The following RBFOX1 variants were observed in gnomAD, a reference collection of about 807,000 sequenced individuals.
RBFOX1 encodes the protein RNA binding fox-1 homolog 1.
RBFOX1 carries 8 observed loss-of-function variants against 57.7 expected under a neutral mutation model. The observed-to-expected ratio is 0.14, with a 90% CI of 0.08 to 0.25. RBFOX1 has a LOEUF of 0.25. Ranked by LOEUF, RBFOX1 falls within the 10% of genes least tolerant of loss-of-function variation. RBFOX1 has a pLI of 1.00. For missense variants in RBFOX1, 611 were observed against 548.5 expected, an observed-to-expected ratio of 1.11 and a Z score of -1.14; for synonymous variants, 326 against 222.4, an observed-to-expected ratio of 1.47 and a Z score of -4.15.
At chr16:5,858,026 C>G (rs559513584) in intron 3 of RBFOX1, among the ~76,000 whole-genome samples, 6 of 152,058 alleles carry the variant, frequency 3.9e-5, no homozygotes, top group Non-Finnish European at 7.4e-5. Flanking sequence ...GTAGAAGAGA[C>G]TTCCACAAGC....
chr16:6,379,374 A>G (rs1449139476), intron 2 of RBFOX1, among the ~76,000 whole-genome samples: 3 of 152,146 alleles, frequency 2.0e-5, no homozygotes, highest in African/African-American at 7.2e-5. Flanking sequence ...TTCCTGCCTT[A>G]TACCTGTTGT....
chr16:6,478,416 TATA>T (rs2095312766), intron 2 of RBFOX1, among the ~76,000 whole-genome samples: 6 of 24,822 alleles, frequency 2.4e-4, no homozygotes, highest in Non-Finnish European at 4.1e-4. Context: ...TATATATATA[TATA>T]TATATATATA....
chr16:7,058,511 C>G (rs1047118765), intron 4 of RBFOX1, among the ~76,000 whole-genome samples: 6 of 152,148 alleles, frequency 3.9e-5, no homozygotes, highest in Non-Finnish European at 8.8e-5. Flanking sequence ...TACTTCAATC[C>G]TCTCTATGTC....
intron 4 of RBFOX1, among the ~76,000 whole-genome samples, chr16:7,204,680 T>G (rs1189258736): frequency 6.6e-6 from 1 of 152,198 alleles, no homozygotes; most frequent in African/African-American, 2.4e-5. Context: ...CTCACTGTTC[T>G]AAGACATCAG....
At chr16:5,793,286 G>C (rs939001288) in intron 3 of RBFOX1, among the ~76,000 whole-genome samples, 1 of 152,198 alleles carries the variant, frequency 6.6e-6, no homozygotes, top group African/African-American at 2.4e-5. Flanking sequence ...CTTCTCCCCT[G>C]GCCCGCCTCC....
At chr16:6,619,793 G>C (rs1361560728) in intron 2 of RBFOX1, among the ~76,000 whole-genome samples, 2 of 146,630 alleles carry the variant, frequency 1.4e-5, no homozygotes, top group Non-Finnish European at 3.0e-5. Context: ...TTGTACAGAT[G>C]ATTTCATCAT....
At chr16:7,409,485 T>A in intron 4 of RBFOX1, among the ~76,000 whole-genome samples, 1 of 152,234 alleles carries the variant, frequency 6.6e-6, no homozygotes, top group Non-Finnish European at 1.5e-5. Flanking sequence ...ACAGGGCTCC[T>A]GAACACAATT....
chr16:6,738,433 T>C (rs1360272609), intron 3 of RBFOX1, among the ~76,000 whole-genome samples: 1 of 152,044 alleles, frequency 6.6e-6, no homozygotes, highest in Non-Finnish European at 1.5e-5. Flanking sequence ...CAGGAGAGTA[T>C]TTATAGGAAT....
chr16:6,248,468 C>G (rs1186153972), intron 1 of RBFOX1, among the ~76,000 whole-genome samples: 1 of 152,056 alleles, frequency 6.6e-6, no homozygotes, highest in Non-Finnish European at 1.5e-5. Context: ...GTAGTCACAG[C>G]TACTAAGAGC....
chr16:5,895,527 A>G (rs1302819211), intron 4 of RBFOX1, among the ~76,000 whole-genome samples: 1 of 152,202 alleles, frequency 6.6e-6, no homozygotes, highest in South Asian at 2.1e-4. Context: ...GGAAATGATA[A>G]CTTGGCAGCC....
rs139325423 is a variant in RBFOX1 at position 6,149,544 on chromosome 16, A to G, written c.-127+129552A>G. 2.6e-5 allele frequency among the ~76,000 whole-genome samples: 4 copies of G among 152,306 alleles called. No individual in the cohort carries two copies. In the East Asian group the frequency reaches 7.7e-4, roughly 29 times the overall value. On this transcript the variant is annotated intron_variant, in intron 1 of 15. Transcript: ENST00000550418. ...CCCAGAAATTCTGCAGCTGGTGCTG[A>G]CTGGGTGAAATAATGTGAGTAAGGT...
chr16:7,219,879 CT>C (rs2092589969), intron 4 of RBFOX1, among the ~76,000 whole-genome samples: 1 of 152,276 alleles, frequency 6.6e-6, no homozygotes, highest in Admixed American at 6.5e-5. Flanking sequence ...AAGAAGTTTT[CT>C]AACCAAAGAG....
chr16:6,281,931 G>A (rs776008976), intron 1 of RBFOX1, among the ~76,000 whole-genome samples: 26 of 152,112 alleles, frequency 1.7e-4, no homozygotes, highest in Non-Finnish European at 2.4e-4. Flanking sequence ...AGAGAGAAAA[G>A]TGGAAGAAAA....
intron 2 of RBFOX1, among the ~76,000 whole-genome samples, chr16:6,476,462 G>C (rs992252780): frequency 4.6e-5 from 7 of 152,164 alleles, no homozygotes; most frequent in Non-Finnish European, 1.0e-4. Flanking sequence ...GCATATAAAA[G>C]CTGTGCTTTT....
chr16:5,906,079 T>C (rs938310400), intron 4 of RBFOX1, among the ~76,000 whole-genome samples: 19 of 152,080 alleles, frequency 1.2e-4, no homozygotes, highest in Non-Finnish European at 2.2e-4. Flanking sequence ...GCCCTGCTTG[T>C]TATGTTCTTA....
At chr16:6,741,822 C>G (rs2072244661) in intron 3 of RBFOX1, among the ~76,000 whole-genome samples, 1 of 151,976 alleles carries the variant, frequency 6.6e-6, no homozygotes, top group Non-Finnish European at 1.5e-5. Flanking sequence ...TGGTGGTTAC[C>G]AGAAACTGGA....
chr16:5,665,969 G>C (rs2049831584), intron 3 of RBFOX1, among the ~76,000 whole-genome samples: 1 of 152,234 alleles, frequency 6.6e-6, no homozygotes, highest in African/African-American at 2.4e-5. Flanking sequence ...AATGTCAAAG[G>C]GTGAATGGGA....
chr16:6,720,211 C>T lies in RBFOX1; in HGVS notation c.-16+65561C>T, dbSNP rs141143876. 5.5e-3 allele frequency among the ~76,000 whole-genome samples: 841 copies of T among 152,114 alleles called. 6 individuals carry two copies. The highest frequency in any genetic ancestry group is 0.031 in the Middle Eastern group (9 of 294). On this transcript the variant is annotated intron_variant, in intron 3 of 15. Transcript: ENST00000550418. ...TGACAGTAATTGTAGTCCTTATCAC[C>T]TTGGATACTTAATGAAATACTGCTG... is the stretch of plus-strand genomic sequence containing the variant.
chr16:6,897,447 A>G (rs1016343107), intron 3 of RBFOX1, among the ~76,000 whole-genome samples: 9 of 152,090 alleles, frequency 5.9e-5, no homozygotes, highest in Non-Finnish European at 1.0e-4. Context: ...GCATGTCCTG[A>G]CACAGATTAA....
Sources: allele counts gnomAD v4.1 joint callset (sites outside exome capture counted in the v4.1 genomes callset), GRCh38; gene constraint gnomAD v4.1.1; transcripts MANE v1.5; gene names NCBI Gene and HGNC (gene_info 2026-07-23, HGNC 2026-07-21).